The following YWHAB variants were observed in gnomAD, a reference collection of about 807,000 sequenced individuals.
The protein encoded by YWHAB is 14-3-3 protein beta/alpha.
In YWHAB, 2 loss-of-function variants were observed where a neutral mutation model predicts 28.5. That is an observed-to-expected ratio of 0.07 (90% CI 0.03 to 0.22). YWHAB has a LOEUF of 0.22. Ranked by LOEUF, YWHAB falls within the 10% of genes least tolerant of loss-of-function variation. The probability of loss-of-function intolerance (pLI) is 1.00; values close to 1 mark genes in which losing one functional copy is unlikely to be tolerated. For synonymous variants in YWHAB, 103 were observed against 104.7 expected (o/e 0.98, Z 0.10); for missense variants, 148 against 297.1 (o/e 0.50, Z 3.69).
chr20:44,892,013 C>T (rs1450806506), intron 1 of YWHAB, among the ~76,000 whole-genome samples: 1 of 152,234 alleles, frequency 6.6e-6, no homozygotes, highest in Non-Finnish European at 1.5e-5. Context: ...GTAACACCCA[C>T]TAACCACCTG....
intron 1 of YWHAB, among the ~76,000 whole-genome samples, chr20:44,891,571 T>C (rs2066562279): frequency 6.6e-6 from 1 of 152,200 alleles, no homozygotes; most frequent in Admixed American, 6.5e-5. Context: ...TCTTTATGGA[T>C]CAGAATTAAC....
chr20:44,898,897 A>G (rs1568931461), intron 1 of YWHAB, among the ~76,000 whole-genome samples: 1 of 152,010 alleles, frequency 6.6e-6, no homozygotes, highest in Non-Finnish European at 1.5e-5. Flanking sequence ...CAGGCAGATC[A>G]CCTGAGGTCA....
rs2066659993 is a variant in YWHAB at position 44,906,715 on chromosome 20, G to T, written c.*277G>T. 1.3e-5 allele frequency: 3 copies of T among 233,458 alleles called. No homozygotes were observed. Among genetic ancestry groups the T allele is most frequent in the East Asian group, 1.6e-4 (2 of 12,524 alleles). The allele number at this position is 233,458 out of a possible 1,614,324, so 14.5% of individuals were successfully genotyped here. On this transcript the variant is annotated 3_prime_UTR_variant, in exon 6 of 6. Transcript: ENST00000353703. ...TTTAATTTTTTAAAAACTGAACACT[G>T]TGATTATGGGGTTTTGTAATTTAGC...
intron 4 of YWHAB, 198 bp from the exon 5 acceptor site, chr20:44,905,803 T>A (rs2066652543): frequency 2.0e-6 from 1 of 503,652 alleles, no homozygotes; most frequent in Non-Finnish European, 3.6e-6. Context: ...CCTTGGAGTT[T>A]CTGTCATTGT....
chr20:44,904,433 T>C (rs1601098467), intron 3 of YWHAB, among the ~76,000 whole-genome samples: 1 of 151,702 alleles, frequency 6.6e-6, no homozygotes. Flanking sequence ...AGTGATGCAT[T>C]GCATTTATCA....
intron 2 of YWHAB, chr20:44,903,369 C>T (rs2066638382): frequency 6.5e-6 from 1 of 153,696 alleles, no homozygotes; most frequent in Non-Finnish European, 1.5e-5. Context: ...GATTTCTACC[C>T]AGGTCAGATT....
chr20:44,906,499 T>C lies in YWHAB; in HGVS notation c.*61T>C. 1 of 924,024 alleles carries C rather than the reference T, an allele frequency of 1.1e-6. No individual in the cohort carries two copies. The highest frequency in any genetic ancestry group is 1.5e-6 in the Non-Finnish European group (1 of 675,168). The allele number at this position is 924,024 out of a possible 1,614,324, so 57.2% of individuals were successfully genotyped here. ...CTGTACCCTCAACATATATCCCTTG[T>C]GCGATAAAAAAAAAAAAAAAAAAAA... On this transcript the variant is annotated 3_prime_UTR_variant, in exon 6 of 6. Coordinates refer to ENST00000353703, the MANE Select transcript of YWHAB (RefSeq NM_139323.4).
chr20:44,903,577 T>TA (rs1446051867), intron 2 of YWHAB: 1 of 155,694 alleles, frequency 6.4e-6, no homozygotes, highest in Non-Finnish European at 1.4e-5. Flanking sequence ...ATTATTAACA[T>TA]ACTCCTTCCA....
chr20:44,889,117 C>T (rs1000663105), intron 1 of YWHAB, among the ~76,000 whole-genome samples: 1 of 152,130 alleles, frequency 6.6e-6, no homozygotes, highest in Non-Finnish European at 1.5e-5. Context: ...TGACAATTCA[C>T]TAGTTAAGGG....
In YWHAB at chr20:44,905,143, C is replaced by A. The variant is rs781665864; in HGVS notation, c.588+12C>A. ...GCCTGGCAAAAACGGTGAGAAAGAC[C>A]CTTTGTGATATCTAACCATAGCAAA... On this transcript the variant is annotated intron_variant, in intron 4 of 5. Coordinates refer to ENST00000353703, the MANE Select transcript of YWHAB (RefSeq NM_139323.4). The A allele has an allele frequency of 6.3e-7, 1 of 1,598,352 alleles. No individual in the cohort carries two copies. Among genetic ancestry groups the A allele is most frequent in the Middle Eastern group, 1.7e-4 (1 of 6,014 alleles).
In YWHAB at chr20:44,888,427, C is replaced by T. The variant is rs148186944; in HGVS notation, c.-4+2541C>T. Among the ~76,000 whole-genome samples, 67 of 152,260 alleles carry T rather than the reference C, an allele frequency of 4.4e-4. No individual in the cohort carries two copies. The East Asian group carries it at 8.7e-3, about 20-fold the overall frequency. ...CATTTTACAGATGGGGAAACTAAGGCACTGAGAAGGATAATTTTCCCGAGG... is the reference window on the plus strand; with the variant it reads ...CATTTTACAGATGGGGAAACTAAGGTACTGAGAAGGATAATTTTCCCGAGG... On this transcript the variant is annotated intron_variant, in intron 1 of 5. Coordinates refer to ENST00000353703, the MANE Select transcript of YWHAB (RefSeq NM_139323.4).
In YWHAB at chr20:44,908,084, C is replaced by A. The variant is rs1056853019; in HGVS notation, c.*1646C>A. On this transcript the variant is annotated 3_prime_UTR_variant, in exon 6 of 6. Coordinates refer to ENST00000353703, the MANE Select transcript of YWHAB (RefSeq NM_139323.4). ...CCTCTACCTTTGATATTCCACTTAG[C>A]TGTAGAGTCCATCTGTTTGTCCATC... 1 of 151,742 alleles carries A rather than the reference C, an allele frequency of 6.6e-6. No homozygotes were observed. The highest frequency in any genetic ancestry group is 2.4e-5 in the African/African-American group (1 of 41,058). The allele number at this position is 151,742 out of a possible 1,614,324, so 9.4% of individuals were successfully genotyped here.
chr20:44,902,909 A>G (rs926639471), intron 2 of YWHAB: 3 of 263,038 alleles, frequency 1.1e-5, no homozygotes, highest in African/African-American at 6.9e-5. Flanking sequence ...TACATCTGGT[A>G]TTCAGATGAA....
intron 1 of YWHAB, among the ~76,000 whole-genome samples, chr20:44,899,556 T>C (rs558153462): frequency 2.0e-5 from 3 of 152,342 alleles, no homozygotes; most frequent in Non-Finnish European, 4.4e-5. Flanking sequence ...TTTTTATAGC[T>C]CAGGATATTA....
intron 2 of YWHAB, 156 bp from the exon 3 acceptor site, chr20:44,903,837 C>G (rs1045996560): frequency 2.6e-6 from 2 of 776,450 alleles, no homozygotes; most frequent in Non-Finnish European, 3.9e-6. Context: ...CTGTTATGAC[C>G]TGGGCTAAAC....
At chr20:44,893,038 A>G (rs914283980) in intron 1 of YWHAB, among the ~76,000 whole-genome samples, 1 of 152,192 alleles carries the variant, frequency 6.6e-6, no homozygotes, top group South Asian at 2.1e-4. Context: ...TGTCATTTTC[A>G]ACCCTTTCTG....
chr20:44,888,404 T>G (rs768873147), intron 1 of YWHAB, among the ~76,000 whole-genome samples: 7 of 152,184 alleles, frequency 4.6e-5, no homozygotes, highest in Non-Finnish European at 7.4e-5. Flanking sequence ...GTTAGCCCCA[T>G]TTTACAGATG....
intron 1 of YWHAB, among the ~76,000 whole-genome samples, chr20:44,892,477 A>G (rs2066568625): frequency 6.6e-6 from 1 of 151,682 alleles, no homozygotes; most frequent in Non-Finnish European, 1.5e-5. Flanking sequence ...TTGTGTTTCT[A>G]CCACTAGAGT....
chr20:44,901,902 A>G lies in YWHAB; in HGVS notation c.300+69A>G. ...GTATTAATTTAATGTATAAATGCAG[A>G]CTCTCAAAACAGCTTATGAGAGAGA... On this transcript the variant is annotated intron_variant, in intron 2 of 5. Transcript: ENST00000353703. 4.1e-6 allele frequency: 6 copies of G among 1,473,234 alleles called. No homozygotes were observed. The South Asian group carries it at 7.0e-5, about 17-fold the overall frequency. 91.3% of individuals were successfully genotyped at this position (1,473,234 alleles called of 1,614,324 possible). A position where few individuals can be genotyped will look rare whatever the true frequency, so the allele number is the denominator to read the frequency against.
Sources: allele counts gnomAD v4.1 joint callset (sites outside exome capture counted in the v4.1 genomes callset), GRCh38; gene constraint gnomAD v4.1.1; transcripts MANE v1.5; gene names NCBI Gene and HGNC (gene_info 2026-07-23, HGNC 2026-07-21).